ITPK1: variants seen among roughly 807,000 people sequenced by gnomAD.
The protein encoded by ITPK1 is inositol-tetrakisphosphate 1-kinase, also known as inositol 1,3,4-trisphosphate 5/6-kinase.
Under a neutral mutation model 45.3 loss-of-function variants are expected in ITPK1, and 21 were observed. The ratio of observed to expected loss-of-function variants is 0.46; its 90% CI spans 0.33 to 0.67. The LOEUF (loss-of-function observed/expected upper bound fraction) is 0.67. Ranked by LOEUF, ITPK1 falls within the 30% of genes least tolerant of loss-of-function variation. The pLI is 0.02. For missense variants in ITPK1, 474 were observed against 573.5 expected, an observed-to-expected ratio of 0.83 and a Z score of 1.77; for synonymous variants, 258 against 253.6, an observed-to-expected ratio of 1.02 and a Z score of -0.16.
intron 5 of ITPK1, among the ~76,000 whole-genome samples, chr14:92,965,072 A>G (rs1439874742): frequency 6.6e-6 from 1 of 152,192 alleles, no homozygotes; most frequent in Admixed American, 6.5e-5. Context: ...AGGAGGTCAT[A>G]CCCAGACCAT....
intron 3 of ITPK1, among the ~76,000 whole-genome samples, chr14:93,048,158 C>T (rs1019793070): frequency 6.6e-6 from 1 of 152,198 alleles, no homozygotes; most frequent in African/African-American, 2.4e-5. Context: ...ATAACATGTC[C>T]AAATGAACAG....
At chr14:92,953,963 G>A (rs1199832757) in intron 8 of ITPK1, among the ~76,000 whole-genome samples, 2 of 152,072 alleles carry the variant, frequency 1.3e-5, no homozygotes, top group Admixed American at 1.3e-4. Flanking sequence ...GCCCGATCTC[G>A]GCTCACTGCA....
intron 2 of ITPK1, among the ~76,000 whole-genome samples, chr14:93,089,078 T>C (rs1307858401): frequency 2.6e-5 from 4 of 152,186 alleles, no homozygotes; most frequent in Admixed American, 1.3e-4. Context: ...AACAGGGTTG[T>C]TCTGGACAGA....
In ITPK1 at chr14:92,958,466, C is replaced by CAGGG; in HGVS notation, c.505-101_505-100insCCCT. 1 of 1,163,712 alleles carries CAGGG rather than the reference C, an allele frequency of 8.6e-7. No homozygotes were observed. Among genetic ancestry groups the CAGGG allele is most frequent in the Non-Finnish European group, 1.2e-6 (1 of 800,870 alleles). 72.1% of individuals were successfully genotyped at this position (1,163,712 alleles called of 1,614,324 possible). Reference sequence around the variant, plus strand: ...TGTCCAGAGCACCTCCACCAAGGCCCATCCCTGGTCCTGTGGCATGAGGAC... The same window carrying CAGGG: ...TGTCCAGAGCACCTCCACCAAGGCCCAGGGATCCCTGGTCCTGTGGCATGAGGAC... On this transcript the variant is annotated intron_variant, in intron 7 of 10. Coordinates refer to ENST00000267615, the MANE Select transcript of ITPK1 (RefSeq NM_014216.6). This position sits in a 1 kb window ranked among gnomAD's most constrained non-coding sequence, Gnocchi z 4.4.
chr14:93,045,535 C>T lies in ITPK1; in HGVS notation c.121-28734G>A, dbSNP rs61456027. On this transcript the variant is annotated intron_variant, in intron 3 of 10. Transcript: ENST00000267615. ...AATTAGATGGCACGTGCCTGTAGTC[C>T]CAGCTACTCAGGAGGAGGAGGTGAG... 5.4e-3 allele frequency among the ~76,000 whole-genome samples: 829 copies of T among 152,220 alleles called. 10 individuals are homozygous for T. The highest frequency in any genetic ancestry group is 0.019 in the African/African-American group (796 of 41,506).
chr14:92,965,949 G>A (rs1178771514), intron 5 of ITPK1, among the ~76,000 whole-genome samples: 4 of 152,226 alleles, frequency 2.6e-5, no homozygotes, highest in Non-Finnish European at 5.9e-5. Context: ...GTTGACGTGA[G>A]CCAAGATCGC....
intron 2 of ITPK1, among the ~76,000 whole-genome samples, chr14:93,092,598 C>G (rs953655583): frequency 6.6e-6 from 1 of 152,248 alleles, no homozygotes; most frequent in Non-Finnish European, 1.5e-5. Flanking sequence ...TTTTACCCCC[C>G]ACCCAGAGGA....
At chr14:93,109,206 G>A (rs909410769) in intron 2 of ITPK1, among the ~76,000 whole-genome samples, 3 of 152,178 alleles carry the variant, frequency 2.0e-5, no homozygotes, top group Non-Finnish European at 4.4e-5. Flanking sequence ...TAAAAAAAAA[G>A]AGGTAATGAT....
At chr14:92,960,182 G>A (rs1362248547) in intron 7 of ITPK1, among the ~76,000 whole-genome samples, 8 of 152,210 alleles carry the variant, frequency 5.3e-5, no homozygotes, top group Admixed American at 5.2e-4. Context: ...AGCCGGCTGG[G>A]GAGTAGAGGG....
At chr14:93,059,919 T>A (rs1002136924) in intron 3 of ITPK1, among the ~76,000 whole-genome samples, 3 of 147,636 alleles carry the variant, frequency 2.0e-5, no homozygotes, top group East Asian at 4.0e-4. Flanking sequence ...GGGTGGGGGG[T>A]GCTGGTCACT....
intron 4 of ITPK1, among the ~76,000 whole-genome samples, chr14:93,011,109 T>C (rs1566733097): frequency 6.6e-6 from 1 of 152,272 alleles, no homozygotes; most frequent in Non-Finnish European, 1.5e-5. Flanking sequence ...TTGGGTTCCC[T>C]TGCCTGTAGG....
rs529569681 is a variant in ITPK1, at chr14:92,992,988, C to T, written c.364+892G>A. Among the ~76,000 whole-genome samples, 48 of 152,356 alleles carry T rather than the reference C, an allele frequency of 3.2e-4. 1 individual carries two copies. Among genetic ancestry groups the T allele is most frequent in the African/African-American group, 1.2e-3 (48 of 41,580 alleles). On this transcript the variant is annotated intron_variant, in intron 5 of 10. Transcript: ENST00000267615. The stretch of plus-strand genomic sequence containing the variant: ...TCAGACTCCCATGCAGATGGTCTGC[C>T]TCTGGAGCTGTGAGCCAAATGGTAC...
At chr14:92,948,075 G>A (rs894448662) in intron 9 of ITPK1, among the ~76,000 whole-genome samples, 16 of 152,190 alleles carry the variant, frequency 1.1e-4, no homozygotes, top group African/African-American at 3.9e-4. Flanking sequence ...CATGCTGAGT[G>A]CAGGAACCCA....
intron 2 of ITPK1, among the ~76,000 whole-genome samples, chr14:93,096,444 G>A (rs1892083272): frequency 6.6e-6 from 1 of 152,212 alleles, no homozygotes; most frequent in Non-Finnish European, 1.5e-5. Flanking sequence ...ACAAGACCTT[G>A]TCCATCTTGG....
At position 92,938,694 on chromosome 14, in the gene ITPK1, T is replaced by C. The variant is rs534734435; in HGVS notation, c.*2867A>G. Reference sequence around the variant, plus strand: ...CTGCAGGCCCAGCCCACCCACCACGTGTGGACCCAGACACCTCCATGACAC... The same window carrying C: ...CTGCAGGCCCAGCCCACCCACCACGCGTGGACCCAGACACCTCCATGACAC... On this transcript the variant is annotated 3_prime_UTR_variant, in exon 11 of 11. Coordinates refer to ENST00000267615, the MANE Select transcript of ITPK1 (RefSeq NM_014216.6). 3.9e-5 allele frequency: 25 copies of C among 636,182 alleles called. No homozygotes were observed. The African/African-American group carries it at 4.2e-4, about 11-fold the overall frequency. The allele number at this position is 636,182 out of a possible 1,614,324, so 39.4% of individuals were successfully genotyped here. A position where few individuals can be genotyped will look rare whatever the true frequency, so the allele number is the denominator to read the frequency against.
rs142536027 is a variant in ITPK1 at position 92,953,338 on chromosome 14, C to T, written c.671-1325G>A. Reference sequence around the variant, plus strand: ...CTGCTCTGACCAGAGCCAGTCCAGACGGGGGCCATGAAATATGGTCCTGGG... The same window carrying T: ...CTGCTCTGACCAGAGCCAGTCCAGATGGGGGCCATGAAATATGGTCCTGGG... On this transcript the variant is annotated intron_variant, in intron 8 of 10. Coordinates refer to ENST00000267615, the MANE Select transcript of ITPK1 (RefSeq NM_014216.6). Among the ~76,000 whole-genome samples the T allele has an allele frequency of 5.6e-4, 86 of 152,326 alleles. 1 individual carries two copies. The South Asian group carries it at 0.01, about 18-fold the overall frequency.
intron 4 of ITPK1, among the ~76,000 whole-genome samples, chr14:93,002,100 T>TTCCA (rs1887384650): frequency 6.6e-6 from 1 of 152,226 alleles, no homozygotes; most frequent in South Asian, 2.1e-4. Flanking sequence ...ACGTCTGTAA[T>TTCCA]TCCAGCATTC....
chr14:92,962,406 G>A lies in ITPK1; in HGVS notation c.464-11C>T. The A allele has an allele frequency of 6.3e-7, 1 of 1,598,998 alleles. No individual in the cohort carries two copies. The highest frequency in any genetic ancestry group is 8.6e-7 in the Non-Finnish European group (1 of 1,166,194). On this transcript the variant is annotated splice_polypyrimidine_tract_variant and intron_variant, in intron 6 of 10. Coordinates refer to ENST00000267615, the MANE Select transcript of ITPK1 (RefSeq NM_014216.6). ...CTCTGGTTTTGCAAACTATGGGTTG[G>A]GGAGAGAAAAGCAGAGAGAAATTAG...
rs561813899 is a variant in ITPK1 at position 92,948,672 on chromosome 14, C to G, written c.739-2179G>C. Among the ~76,000 whole-genome samples the G allele has an allele frequency of 3.0e-4, 46 of 152,152 alleles. No homozygotes were observed. The East Asian group carries it at 8.7e-3, about 29-fold the overall frequency. On this transcript the variant is annotated intron_variant, in intron 9 of 10. Transcript: ENST00000267615. ...TAAAAAAAAAAAAGTGAAAGCAGAT[C>G]GACAGGGCTGGGGACAGAGCCCTGG... is the stretch of plus-strand genomic sequence containing the variant.
Sources: allele counts gnomAD v4.1 joint callset (sites outside exome capture counted in the v4.1 genomes callset), GRCh38; gene constraint gnomAD v4.1.1; non-coding constraint Gnocchi (gnomAD v3.1); transcripts MANE v1.5; gene names NCBI Gene and HGNC (gene_info 2026-07-23, HGNC 2026-07-21).